CCDC187: variants seen among roughly 807,000 people sequenced by gnomAD.
CCDC187 encodes the protein coiled-coil domain containing 187.
A neutral mutation model predicts 38.0 loss-of-function variants in CCDC187; 32 were observed. The ratio of observed to expected loss-of-function variants is 0.84; its 90% CI spans 0.64 to 1.13. CCDC187 has a LOEUF of 1.13. Among genes scored for constraint, CCDC187 ranks in the 50% most tolerant of loss-of-function variants. The pLI, the probability that CCDC187 is intolerant of heterozygous loss-of-function variation, is 0.00. For synonymous variants in CCDC187, 333 were observed against 347.9 expected (o/e 0.96, Z 0.48); for missense variants, 707 against 786.8 (o/e 0.90, Z 1.21).
At chr9:136,273,990 G>A (rs1217189587) in intron 14 of CCDC187, among the ~76,000 whole-genome samples, 4 of 152,244 alleles carry the variant, frequency 2.6e-5, no homozygotes, top group Admixed American at 1.3e-4. Context: ...CACATCACAC[G>A]AGAGGGGAGT....
chr9:136,291,439 G>T lies in CCDC187; in HGVS notation c.1174C>A (p.Arg392Ser). The part of the protein sequence containing the change: ...IQAGLELAQA[R>S]KGGQELGPSK... Reference sequence around the variant, plus strand: ...GGCCCGAGCTCTTGCCCTCCCTTGCGGGCCTGGGCCAGCTCCAGCCCAGCC... The same window carrying T: ...GGCCCGAGCTCTTGCCCTCCCTTGCTGGCCTGGGCCAGCTCCAGCCCAGCC... Residue 392 changes from arginine (R) to serine (S), a missense_variant, in exon 6 of 26, where the codon CGC becomes AGC. Coordinates refer to ENST00000638797, the MANE Select transcript of CCDC187 (RefSeq NM_001378188.1). 5.0e-6 allele frequency: 2 copies of T among 398,844 alleles called. No individual in the cohort carries two copies. Among genetic ancestry groups the T allele is most frequent in the Non-Finnish European group, 8.8e-6 (2 of 226,206 alleles). 24.7% of individuals were successfully genotyped at this position (398,844 alleles called of 1,614,324 possible). A position where few individuals can be genotyped will look rare whatever the true frequency, so the allele number is the denominator to read the frequency against.
chr9:136,250,710 G>T lies in CCDC187; in HGVS notation c.*2884C>A, dbSNP rs1218174033. The T allele has an allele frequency of 2.2e-5, 10 of 456,058 alleles. No homozygotes were observed. Among genetic ancestry groups the T allele is most frequent in the Admixed American group, 1.2e-4 (5 of 42,556 alleles). 28.3% of individuals were successfully genotyped at this position (456,058 alleles called of 1,614,324 possible). A position where few individuals can be genotyped will look rare whatever the true frequency, so the allele number is the denominator to read the frequency against. On this transcript the variant is annotated 3_prime_UTR_variant, in exon 26 of 26. Coordinates refer to ENST00000638797, the MANE Select transcript of CCDC187 (RefSeq NM_001378188.1). ...GCATTCTCAGGTGGGCTGGGCAGGA[G>T]CTGGTGCAAAATCAGATGCATGGCC...
rs1413598319 is a variant in CCDC187 at position 136,293,313 on chromosome 9, ACT to A, written c.833-1020_833-1019del. 5.8e-4 allele frequency among the ~76,000 whole-genome samples: 84 copies of A among 145,856 alleles called. 1 individual carries two copies. Among genetic ancestry groups the A allele is most frequent in the African/African-American group, 1.7e-3 (65 of 37,982 alleles). The stretch of plus-strand genomic sequence containing the variant: ...CACACTCACAAACACATGTTCACAC[ACT>A]CACACTCACATGCTTACACACTCAC... On this transcript the variant is annotated intron_variant, in intron 4 of 25. Transcript: ENST00000638797.
At chr9:136,282,435 G>A (rs1034997638) in intron 9 of CCDC187, among the ~76,000 whole-genome samples, 17,695 of 152,302 alleles carry the variant, frequency 0.12, 1,384 homozygotes, top group Admixed American at 0.2. Flanking sequence ...TCTTTGGGGT[G>A]CACAGAGAGA....
At chr9:136,276,403 G>T (rs1238538687) in intron 11 of CCDC187, 102 bp from the exon 12 acceptor site, 2 of 152,214 alleles carry the variant, frequency 1.3e-5, no homozygotes, top group African/African-American at 4.8e-5. Flanking sequence ...TCTGGGCAGG[G>T]CCCCTCCCTC....
In CCDC187 at chr9:136,254,188, A is replaced by G. The variant is rs926068002; in HGVS notation, c.5640T>C (p.Ser1880=). 1.3e-4 allele frequency: 126 copies of G among 985,380 alleles called. No individual in the cohort carries two copies. The highest frequency in any genetic ancestry group is 1.4e-4 in the Non-Finnish European group (118 of 829,992). The allele number at this position is 985,380 out of a possible 1,614,324, so 61.0% of individuals were successfully genotyped here. ...AGVVFPLQIS[S]AGDSDSLLVF... ...CCAGCAGTGAGTCCGAGTCACCGGC[A>G]GAAGAGATTTGCAGCGGGAACACCA... Residue 1880 remains serine (S), a synonymous_variant, in exon 26 of 26, where the codon TCT becomes TCC. Transcript: ENST00000638797.
At chr9:136,293,404 AAC>A (rs1246525200) in intron 4 of CCDC187, among the ~76,000 whole-genome samples, 42 of 52,974 alleles carry the variant, frequency 7.9e-4, no homozygotes, top group African/African-American at 2.5e-3. Context: ...CACACTCACA[AAC>A]ACTCACATGC....
Position 136,277,126 on chromosome 9 carries a change from C to A in CCDC187, c.3041-399G>T, listed in dbSNP as rs980266191. Among the ~76,000 whole-genome samples the A allele has an allele frequency of 8.2e-4, 124 of 151,982 alleles. 2 individuals carry two copies. In the South Asian group the frequency reaches 0.025, roughly 31 times the overall value. On this transcript the variant is annotated intron_variant, in intron 10 of 25. Transcript: ENST00000638797. The stretch of plus-strand genomic sequence containing the variant: ...CCCCAGACAGACCGGGTCTGTCATG[C>A]ATTTGCCATGTGACCTTGAACAAAT...
rs1325251427 is a variant in CCDC187 at position 136,257,317 on chromosome 9, G to A, written c.4367-476C>T. Among the ~76,000 whole-genome samples the A allele has an allele frequency of 1.3e-5, 2 of 152,094 alleles. No individual in the cohort carries two copies. Among genetic ancestry groups the A allele is most frequent in the Non-Finnish European group, 2.9e-5 (2 of 68,032 alleles). Reference sequence around the variant, plus strand: ...GAACCCGGGAGGCGGAGGTTGCAGTGAGCCAAGATCACGCTACTGTACTCC... The same window carrying A: ...GAACCCGGGAGGCGGAGGTTGCAGTAAGCCAAGATCACGCTACTGTACTCC... On this transcript the variant is annotated intron_variant, in intron 22 of 25. Transcript: ENST00000638797. The surrounding 1 kb of genome is among the most constrained non-coding windows in gnomAD (Gnocchi z 4.5).
At chr9:136,260,790 T>A (rs1830669947) in intron 19 of CCDC187, among the ~76,000 whole-genome samples, 1 of 152,174 alleles carries the variant, frequency 6.6e-6, no homozygotes, top group Non-Finnish European at 1.5e-5. Context: ...AGCAGGAGGT[T>A]CAGAGGAGGG....
chr9:136,293,457 ACTCACACT>A (rs1376481875), intron 4 of CCDC187, among the ~76,000 whole-genome samples: 2,567 of 38,538 alleles, frequency 0.067, 121 homozygotes, highest in African/African-American at 0.16. Context: ...ACATGCTCAC[ACTCACACT>A]CACATGCTCA....
At chr9:136,287,679 C>T (rs966826372) in intron 7 of CCDC187, among the ~76,000 whole-genome samples, 6 of 152,206 alleles carry the variant, frequency 3.9e-5, no homozygotes, top group East Asian at 1.9e-4. Flanking sequence ...AGCAGCAAGA[C>T]TGAGACCAAA....
Position 136,290,740 on chromosome 9 carries a change from T to C in CCDC187, c.1873A>G (p.Arg625Gly), listed in dbSNP as rs1588668688. ...GAGGGTCCCAGGAGCCCCCGGGACC[T>C]GGGGCAGGGCCGCAGCGTGTCCTTC... is the stretch of plus-strand genomic sequence containing the variant. Reference protein sequence around the residue: ...KEKDTLRPCPRSRGLLGPSHS... With the variant: ...KEKDTLRPCPGSRGLLGPSHS... Residue 625 changes from arginine to glycine, a missense_variant, in exon 6 of 26, where the codon AGG (arginine) becomes GGG (glycine). Physicochemically the swap from Arg to Gly is moderately radical, Grantham distance 125. Coordinates refer to ENST00000638797, the MANE Select transcript of CCDC187 (RefSeq NM_001378188.1). 2.5e-6 allele frequency: 1 copy of C among 398,430 alleles called. No individual in the cohort carries two copies. 24.7% of individuals were successfully genotyped at this position (398,430 alleles called of 1,614,324 possible). A position where few individuals can be genotyped will look rare whatever the true frequency, so the allele number is the denominator to read the frequency against.
intron 2 of CCDC187, among the ~76,000 whole-genome samples, 179 bp downstream of exon 2, chr9:136,302,633 T>C (rs1831712841): frequency 6.6e-6 from 1 of 152,142 alleles, no homozygotes; most frequent in Non-Finnish European, 1.5e-5. Flanking sequence ...GGAGGGATCC[T>C]CATCATGGAC....
intron 3 of CCDC187, among the ~76,000 whole-genome samples, chr9:136,298,985 C>T (rs1831604462): frequency 6.6e-6 from 1 of 152,166 alleles, no homozygotes; most frequent in South Asian, 2.1e-4. Context: ...AACGAGGCTG[C>T]CAGGAGCCGG....
intron 2 of CCDC187, 89 bp downstream of exon 2, chr9:136,302,723 G>A (rs922499959): frequency 5.0e-6 from 2 of 398,278 alleles, no homozygotes; most frequent in East Asian, 3.6e-5. Context: ...CCCCCACCAC[G>A]TGTCCAGCAC....
intron 16 of CCDC187, 141 bp downstream of exon 16, chr9:136,267,243 T>C (rs1554761751): frequency 2.7e-6 from 1 of 375,476 alleles, no homozygotes; most frequent in East Asian, 1.7e-4. Context: ...TTTGGACCAG[T>C]ACCTCTTGTT....
intron 3 of CCDC187, among the ~76,000 whole-genome samples, chr9:136,299,621 C>T (rs1410828816): frequency 6.6e-6 from 1 of 152,214 alleles, no homozygotes; most frequent in Non-Finnish European, 1.5e-5. Context: ...CTCCCATTGC[C>T]CGGGATGAAG....
chr9:136,267,046 G>T (rs544387592), intron 16 of CCDC187: 1 of 151,908 alleles, frequency 6.6e-6, no homozygotes, highest in African/African-American at 2.4e-5. Flanking sequence ...CGCGCCACGC[G>T]CCTCTACACT....
Sources: gnomAD v4.1 joint callset for allele counts (sites outside exome capture counted in the v4.1 genomes callset) on GRCh38, gnomAD v4.1.1 for gene constraint, Gnocchi (gnomAD v3.1) non-coding constraint, MANE v1.5 for transcripts, NCBI Gene and HGNC (gene_info 2026-07-23, HGNC 2026-07-21) for gene names.